Variants in OXSR1 observed in about 807,000 individuals in gnomAD.
OXSR1 encodes oxidative stress responsive kinase 1.
Under a neutral mutation model 79.8 loss-of-function variants are expected in OXSR1, and 24 were observed. The ratio of observed to expected loss-of-function variants is 0.30; its 90% confidence interval spans 0.22 to 0.42. The LOEUF (loss-of-function observed/expected upper bound fraction) is 0.42, where lower values mean the gene tolerates loss of function less well. OXSR1 is among the 10% of genes least tolerant of loss of function. The probability of loss-of-function intolerance (pLI) is 1.00; values close to 1 mark genes in which losing one functional copy is unlikely to be tolerated. For synonymous variants in OXSR1, 226 were observed against 209.2 expected, an observed-to-expected ratio of 1.08 and a Z score of -0.69; for missense variants, 430 against 618.4, an observed-to-expected ratio of 0.70 and a Z score of 3.23.
chr3:38,181,050 G>A (rs960660808), intron 1 of OXSR1, among the ~76,000 whole-genome samples: 4 of 151,752 alleles, frequency 2.6e-5, no homozygotes, highest in African/African-American at 7.3e-5. Context: ...TGGGAGGCCC[G>A]TTATTCTACC....
Position 38,253,911 on chromosome 3 carries a change from T to C in OXSR1, c.*1020T>C, listed in dbSNP as rs1054973641. 2 of 304,142 alleles carry C rather than the reference T, an allele frequency of 6.6e-6. No homozygotes were observed. Among genetic ancestry groups the C allele is most frequent in the Non-Finnish European group, 1.2e-5 (2 of 166,688 alleles). 18.8% of individuals were successfully genotyped at this position (304,142 alleles called of 1,614,324 possible). A position where few individuals can be genotyped will look rare whatever the true frequency, so the allele number is the denominator to read the frequency against. ...CCCTTTGGAGGGGGTCTCTGTGTGC[T>C]GAAGCTAACTCAAGATGGAAAGTGA... On this transcript the variant is annotated 3_prime_UTR_variant, in exon 18 of 18. Coordinates refer to ENST00000311806, the MANE Select transcript of OXSR1 (RefSeq NM_005109.3).
At position 38,254,720 on chromosome 3, in the gene OXSR1, T is replaced by G. The variant is rs1303892580; in HGVS notation, c.*1829T>G. On this transcript the variant is annotated 3_prime_UTR_variant, in exon 18 of 18. Coordinates refer to ENST00000311806, the MANE Select transcript of OXSR1 (RefSeq NM_005109.3). ...CTTACCGCTTACCTTAGAGTTTTGT[T>G]TTTTTTTTTTCAAACCCATCAAAAT... The G allele has an allele frequency of 1.3e-5, 2 of 148,340 alleles. No homozygotes were observed. The highest frequency in any genetic ancestry group is 2.6e-5 in the African/African-American group (1 of 38,296). 9.2% of individuals were successfully genotyped at this position (148,340 alleles called of 1,614,324 possible).
At chr3:38,198,660 A>G in intron 3 of OXSR1, 62 bp from the exon 4 acceptor site, 2 of 1,316,370 alleles carry the variant, frequency 1.5e-6, no homozygotes, top group East Asian at 2.4e-5. Flanking sequence ...TGATTCTAAA[A>G]TGGATCTGAA....
intron 10 of OXSR1, among the ~76,000 whole-genome samples, chr3:38,231,468 C>T (rs1166622229): frequency 1.3e-5 from 2 of 152,142 alleles, no homozygotes; most frequent in African/African-American, 4.8e-5. Context: ...CATTCCTTCA[C>T]TTTATGTCAA....
At chr3:38,164,954 G>A (rs1193289192), upstream of OXSR1, 1 of 152,230 alleles carries the variant, frequency 6.6e-6, no homozygotes, top group African/African-American at 2.4e-5. Context: ...CACACCCAAA[G>A]GCTACCCCAC....
chr3:38,182,504 A>G (rs897506011), intron 1 of OXSR1, among the ~76,000 whole-genome samples: 2 of 152,140 alleles, frequency 1.3e-5, no homozygotes, highest in African/African-American at 2.4e-5. Context: ...ATTTGTCTTT[A>G]TCTGCCTTAT....
intron 11 of OXSR1, among the ~76,000 whole-genome samples, chr3:38,240,641 A>G (rs142622711): frequency 1.3e-5 from 2 of 151,008 alleles, no homozygotes; most frequent in East Asian, 2.0e-4. Flanking sequence ...GGGCTTGGGC[A>G]GGGAAAATAT....
intron 15 of OXSR1, among the ~76,000 whole-genome samples, chr3:38,250,936 G>A (rs1373593073): frequency 6.6e-6 from 1 of 151,982 alleles, no homozygotes; most frequent in Non-Finnish European, 1.5e-5. Context: ...TTTAGTTTCT[G>A]GTTATACCCA....
chr3:38,250,332 A>G (rs183475901), intron 15 of OXSR1, among the ~76,000 whole-genome samples: 2 of 152,338 alleles, frequency 1.3e-5, no homozygotes, highest in Admixed American at 6.5e-5. Context: ...TATTATCCCC[A>G]TAGTATCGAT....
intron 1 of OXSR1, among the ~76,000 whole-genome samples, chr3:38,181,721 A>C (rs1701789915): frequency 6.6e-6 from 1 of 152,076 alleles, no homozygotes; most frequent in Admixed American, 6.5e-5. Context: ...TTGTCAGGTA[A>C]TTCCAACATC....
chr3:38,182,987 A>T lies in OXSR1; in HGVS notation c.71-16A>T. ...TATCCATCTACTTATTTACTCTTTT[A>T]TGTATTTGTTTTTAGGGAGTGGAGC... On this transcript the variant is annotated splice_polypyrimidine_tract_variant and intron_variant, in intron 1 of 17. Coordinates refer to ENST00000311806, the MANE Select transcript of OXSR1 (RefSeq NM_005109.3). 7.2e-7 allele frequency: 1 copy of T among 1,392,252 alleles called. No homozygotes were observed. The highest frequency in any genetic ancestry group is 1.0e-6 in the Non-Finnish European group (1 of 985,752). 86.2% of individuals were successfully genotyped at this position (1,392,252 alleles called of 1,614,324 possible).
intron 1 of OXSR1, among the ~76,000 whole-genome samples, chr3:38,178,408 G>A (rs956107365): frequency 4.6e-5 from 7 of 151,826 alleles, no homozygotes; most frequent in African/African-American, 9.7e-5. Context: ...AAATTCTGTC[G>A]AATTATATAG....
chr3:38,170,581 C>T (rs886726051), intron 1 of OXSR1, among the ~76,000 whole-genome samples: 1 of 151,848 alleles, frequency 6.6e-6, no homozygotes, highest in Non-Finnish European at 1.5e-5. Context: ...TAAGGTGAAC[C>T]ACCTTGTTTT....
At chr3:38,222,638 T>A (rs896884703) in intron 6 of OXSR1, among the ~76,000 whole-genome samples, 3 of 152,142 alleles carry the variant, frequency 2.0e-5, no homozygotes, top group Non-Finnish European at 2.9e-5. Flanking sequence ...GGATAGAAAA[T>A]TAAAATTTAT....
In OXSR1 at chr3:38,250,035, A is replaced by T. The variant is rs771425140; in HGVS notation, c.1375+17A>T. 8 of 1,508,938 alleles carry T rather than the reference A, an allele frequency of 5.3e-6. No homozygotes were observed. Among genetic ancestry groups the T allele is most frequent in the Admixed American group, 1.7e-5 (1 of 59,152 alleles). The allele number at this position is 1,508,938 out of a possible 1,614,324, so 93.5% of individuals were successfully genotyped here. A position where few individuals can be genotyped will look rare whatever the true frequency, so the allele number is the denominator to read the frequency against. ...CTGGGAGAGGTGAGGCATCAAATGGATTGAAAACAAAATAGCTTCCAATTT... is the reference window on the plus strand; with the variant it reads ...CTGGGAGAGGTGAGGCATCAAATGGTTTGAAAACAAAATAGCTTCCAATTT... On this transcript the variant is annotated intron_variant, in intron 15 of 17. Transcript: ENST00000311806.
At chr3:38,209,783 C>T (rs1702349003) in intron 4 of OXSR1, among the ~76,000 whole-genome samples, 1 of 152,092 alleles carries the variant, frequency 6.6e-6, no homozygotes, top group Non-Finnish European at 1.5e-5. Flanking sequence ...GCCACTACGC[C>T]TGGCTAATTT....
intron 11 of OXSR1, among the ~76,000 whole-genome samples, chr3:38,237,293 T>G (rs1317068781): frequency 2.0e-5 from 3 of 152,150 alleles, no homozygotes; most frequent in Non-Finnish European, 4.4e-5. Flanking sequence ...AATGGAAGCT[T>G]TTCCCCTGAA....
chr3:38,233,833 G>A (rs1315925009), intron 10 of OXSR1, among the ~76,000 whole-genome samples: 1 of 152,070 alleles, frequency 6.6e-6, no homozygotes, highest in Non-Finnish European at 1.5e-5. Flanking sequence ...GATCGCTTGA[G>A]CCCAGGAGGT....
intron 6 of OXSR1, 52 bp from the exon 7 acceptor site, chr3:38,223,760 T>A: frequency 7.2e-7 from 1 of 1,388,586 alleles, no homozygotes; most frequent in Non-Finnish European, 1.0e-6. Context: ...GAAGCTAACT[T>A]TTAAAAGTCC....
Sources: allele counts gnomAD v4.1 joint callset (sites outside exome capture counted in the v4.1 genomes callset), GRCh38; gene constraint gnomAD v4.1.1; transcripts MANE v1.5; gene names NCBI Gene and HGNC (gene_info 2026-07-23, HGNC 2026-07-21).